NDUFA9: variants seen among roughly 807,000 people sequenced by gnomAD.
NDUFA9 encodes NADH dehydrogenase [ubiquinone] 1 alpha subcomplex subunit 9, mitochondrial.
A neutral mutation model predicts 45.9 loss-of-function variants in NDUFA9; 23 were observed. The ratio of observed to expected loss-of-function variants is 0.50; its 90% confidence interval spans 0.36 to 0.71. The LOEUF is 0.71. Among genes scored for constraint, NDUFA9 ranks in the 30% least tolerant of loss-of-function variants. The pLI is 0.00. For missense variants in NDUFA9, 466 were observed against 488.2 expected (o/e 0.95, Z 0.43); for synonymous variants, 176 against 170.5 (o/e 1.03, Z -0.25).
At chr12:4,656,524 A>C (rs1227135971) in intron 3 of NDUFA9, among the ~76,000 whole-genome samples, 3 of 152,108 alleles carry the variant, frequency 2.0e-5, no homozygotes, top group African/African-American at 7.2e-5. Context: ...TTGTATGTTT[A>C]GTGTTTGTTT....
At chr12:4,686,112 A>G (rs1464367328) in intron 10 of NDUFA9, among the ~76,000 whole-genome samples, 6 of 152,210 alleles carry the variant, frequency 3.9e-5, no homozygotes, top group Admixed American at 1.3e-4. Flanking sequence ...ATCTTACACT[A>G]AAGTGTCTCT....
intron 8 of NDUFA9, among the ~76,000 whole-genome samples, chr12:4,679,443 G>A (rs932841818): frequency 1.3e-5 from 2 of 152,198 alleles, no homozygotes. Context: ...TTCTGCCTTT[G>A]TGGAGCTTAT....
chr12:4,672,317 A>G (rs1183833239), intron 8 of NDUFA9, among the ~76,000 whole-genome samples: 2 of 152,186 alleles, frequency 1.3e-5, no homozygotes, highest in Non-Finnish European at 2.9e-5. Flanking sequence ...GTTTGGGCAG[A>G]CACTGGGCTA....
At chr12:4,654,985 T>G (rs1451330823) in intron 3 of NDUFA9, 63 bp downstream of exon 3, 2 of 1,314,344 alleles carry the variant, frequency 1.5e-6, no homozygotes, top group Non-Finnish European at 2.2e-6. Context: ...TTTTTAGGAG[T>G]GATAGGCAGT....
At chr12:4,652,334 A>G (rs1945764290) in intron 1 of NDUFA9, among the ~76,000 whole-genome samples, 1 of 152,164 alleles carries the variant, frequency 6.6e-6, no homozygotes, top group Non-Finnish European at 1.5e-5. Context: ...AAACAAACAA[A>G]CAAACCTATT....
rs1946010543 is a variant in NDUFA9, at chr12:4,689,993, T to C, written c.*2885T>C. 1 of 152,742 alleles carries C rather than the reference T, an allele frequency of 6.5e-6. No individual in the cohort carries two copies. Among genetic ancestry groups the C allele is most frequent in the Admixed American group, 6.5e-5 (1 of 15,294 alleles). 9.5% of individuals were successfully genotyped at this position (152,742 alleles called of 1,614,324 possible). On this transcript the variant is annotated 3_prime_UTR_variant, in exon 11 of 11. Transcript: ENST00000266544. ...AAACAATTTTACCATCCTAAGCTAGTGGATGTCACCCTCTCAGTGTATGGA... is the reference window on the plus strand; with the variant it reads ...AAACAATTTTACCATCCTAAGCTAGCGGATGTCACCCTCTCAGTGTATGGA...
At chr12:4,657,139 T>A (rs1388502931) in intron 3 of NDUFA9, 3 of 152,424 alleles carry the variant, frequency 2.0e-5, no homozygotes, top group Non-Finnish European at 4.4e-5. Context: ...TTGAAATGCT[T>A]ATAGAAACCT....
In NDUFA9 at chr12:4,682,248, G is replaced by A; in HGVS notation, c.844G>A (p.Ala282Thr). The change falls in exon 9 of 11, where the codon GCT becomes ACT. Residue 282 changes from alanine to threonine, a missense_variant. By Grantham distance (58) the Ala-to-Thr change is moderately conservative. Coordinates refer to ENST00000266544, the MANE Select transcript of NDUFA9 (RefSeq NM_005002.5). ...LLFHLVKYIF[A>T]VAHRLFLPFP... ...TTTCCACCTGGTGAAGTACATCTTT[G>A]CTGTGGCTCACAGATTGTTCCTCCC... 6.2e-7 allele frequency: 1 copy of A among 1,613,356 alleles called. No homozygotes were observed. Among genetic ancestry groups the A allele is most frequent in the Non-Finnish European group, 8.5e-7 (1 of 1,179,606 alleles).
In NDUFA9 at chr12:4,654,829, C is replaced by T; in HGVS notation, c.225C>T (p.Arg75=). 1.2e-6 allele frequency: 2 copies of T among 1,610,446 alleles called. No homozygotes were observed. Among genetic ancestry groups the T allele is most frequent in the Admixed American group, 1.7e-5 (1 of 59,298 alleles). The change falls in exon 3 of 11, where the codon CGC becomes CGT. Residue 75 remains arginine (R), a synonymous_variant. Transcript: ENST00000266544. The part of the protein sequence containing the change: ...LGRYVVNHLG[R]MGSQVIIPYR... ...TTTCAATCCATTCTCTTTTAGGACG[C>T]ATGGGGTCACAGGTAATCATACCCT...
intron 4 of NDUFA9, among the ~76,000 whole-genome samples, chr12:4,658,437 G>C (rs1285326376): frequency 6.6e-6 from 1 of 152,062 alleles, no homozygotes; most frequent in Non-Finnish European, 1.5e-5. Context: ...CCCCCCTAAT[G>C]ATTAACATAG....
Position 4,655,022 on chromosome 12 carries a change from A to C in NDUFA9, c.318+100A>C, listed in dbSNP as rs936394799. 56 of 937,760 alleles carry C rather than the reference A, an allele frequency of 6.0e-5. No individual in the cohort carries two copies. The East Asian group carries it at 1.4e-3, about 24-fold the overall frequency. 58.1% of individuals were successfully genotyped at this position (937,760 alleles called of 1,614,324 possible). A position where few individuals can be genotyped will look rare whatever the true frequency, so the allele number is the denominator to read the frequency against. ...TAATAAAGCAGTAATTTCTTCCCAG[A>C]ATGGACCAAAGGCATCCTCTGTTCC... On this transcript the variant is annotated intron_variant, in intron 3 of 10. Coordinates refer to ENST00000266544, the MANE Select transcript of NDUFA9 (RefSeq NM_005002.5).
At chr12:4,670,342 G>A (rs1209321934) in intron 8 of NDUFA9, among the ~76,000 whole-genome samples, 1 of 152,230 alleles carries the variant, frequency 6.6e-6, no homozygotes, top group Non-Finnish European at 1.5e-5. Flanking sequence ...ACTAAATCAT[G>A]TGACAGCTAA....
At chr12:4,684,640 G>A (rs1945973348) in intron 9 of NDUFA9, among the ~76,000 whole-genome samples, 1 of 152,144 alleles carries the variant, frequency 6.6e-6, no homozygotes, top group Non-Finnish European at 1.5e-5. Flanking sequence ...AAAAGTCACT[G>A]CCCTGAGGTA....
intron 6 of NDUFA9, 90 bp downstream of exon 6, chr12:4,662,725 C>G (rs1945830832): frequency 1.0e-6 from 1 of 990,380 alleles, no homozygotes; most frequent in African/African-American, 1.6e-5. Context: ...GATTGACAGA[C>G]TAAGGATATA....
intron 1 of NDUFA9, among the ~76,000 whole-genome samples, chr12:4,653,083 C>A (rs547244808): frequency 2.0e-5 from 3 of 152,228 alleles, no homozygotes; most frequent in African/African-American, 7.2e-5. Context: ...CACTTTAAAC[C>A]TTTTTGTTTC....
rs184502200 is a variant in NDUFA9 at position 4,653,012 on chromosome 12, A to G, written c.50-1280A>G. Among the ~76,000 whole-genome samples, 1,138 of 152,382 alleles carry G rather than the reference A, an allele frequency of 7.5e-3. 4 individuals are homozygous for G. The highest frequency in any genetic ancestry group is 0.011 in the Non-Finnish European group (776 of 68,034). ...CCTGTTTGTGTCTTTCACCTCTCCC[A>G]AGTGTACAAAGCACGAATGCTAAGC... is the stretch of plus-strand genomic sequence containing the variant. On this transcript the variant is annotated intron_variant, in intron 1 of 10. Transcript: ENST00000266544.
At chr12:4,662,065 A>T (rs551505823) in intron 5 of NDUFA9, among the ~76,000 whole-genome samples, 18 of 152,310 alleles carry the variant, frequency 1.2e-4, no homozygotes, top group Non-Finnish European at 2.4e-4. Context: ...GATGATAACA[A>T]GTAAGGATGG....
chr12:4,662,159 G>A (rs1293179792), intron 5 of NDUFA9, among the ~76,000 whole-genome samples: 5 of 152,206 alleles, frequency 3.3e-5, no homozygotes, highest in Admixed American at 6.5e-5. Context: ...TTCCATTATT[G>A]CAGCCTGCTG....
At chr12:4,658,750 A>AT (rs893767624) in intron 4 of NDUFA9, among the ~76,000 whole-genome samples, 4 of 151,922 alleles carry the variant, frequency 2.6e-5, no homozygotes, top group African/African-American at 7.2e-5. Flanking sequence ...AAAATTAAAA[A>AT]TTTTTTTTCT....
Sources: gnomAD v4.1 joint callset for allele counts (sites outside exome capture counted in the v4.1 genomes callset) on GRCh38, gnomAD v4.1.1 for gene constraint, MANE v1.5 for transcripts, NCBI Gene and HGNC (gene_info 2026-07-23, HGNC 2026-07-21) for gene names.